The following TRPV4 variants were observed in gnomAD, a reference collection of about 807,000 sequenced individuals.
TRPV4 encodes transient receptor potential cation channel subfamily V member 4, also known as OSM9-like transient receptor potential channel 4.
In TRPV4, 58 loss-of-function variants were observed where a neutral mutation model predicts 84.1. The observed-to-expected ratio is 0.69, with a 90% CI of 0.56 to 0.86. The LOEUF (loss-of-function observed/expected upper bound fraction) is 0.86, where lower values mean the gene tolerates loss of function less well. Ranked by LOEUF, TRPV4 falls within the 40% of genes least tolerant of loss-of-function variation. TRPV4 has a pLI of 0.00. For synonymous variants in TRPV4, 489 were observed against 500.9 expected (o/e 0.98, Z 0.32); for missense variants, 879 against 1,181.1 (o/e 0.74, Z 3.75).
In TRPV4 at chr12:109,800,715, G is replaced by A. The variant is rs1890724745; in HGVS notation, c.756C>T (p.His252=). ...CCTGGGCCACGAGAAGTTCCACGTA[G>A]TGTTTGCAGCGACGCTCAATGGCGA... ...LHIAIERRCK[H]YVELLVAQGA... is the part of the protein sequence containing the mutation. Residue 252 remains histidine (H), a synonymous_variant, in exon 5 of 16, where the codon CAC becomes CAT. Transcript: ENST00000261740. 6 of 1,614,162 alleles carry A rather than the reference G, an allele frequency of 3.7e-6. No individual in the cohort carries two copies. The highest frequency in any genetic ancestry group is 5.1e-6 in the Non-Finnish European group (6 of 1,180,042).
intron 1 of TRPV4, among the ~76,000 whole-genome samples, chr12:109,825,445 A>G (rs1445615612): frequency 6.6e-6 from 1 of 152,122 alleles, no homozygotes; most frequent in East Asian, 1.9e-4. Flanking sequence ...AGGATGTTCA[A>G]TGGCTGCTTT....
intron 1 of TRPV4, among the ~76,000 whole-genome samples, chr12:109,826,398 T>A (rs935402179): frequency 6.6e-6 from 1 of 152,198 alleles, no homozygotes; most frequent in African/African-American, 2.4e-5. Context: ...ATGTATAAAG[T>A]CAGTCCCGGG....
intron 6 of TRPV4, among the ~76,000 whole-genome samples, chr12:109,797,236 TCTC>T (rs1890460095): frequency 6.7e-6 from 1 of 150,318 alleles, no homozygotes; most frequent in African/African-American, 2.5e-5. Context: ...ACTGCAACCC[TCTC>T]CTCCTAGGTT....
chr12:109,815,762 A>T lies in TRPV4; in HGVS notation c.-31-935T>A, dbSNP rs1427804130. On this transcript the variant is annotated intron_variant, in intron 1 of 15. Coordinates refer to ENST00000261740, the MANE Select transcript of TRPV4 (RefSeq NM_021625.5). This position sits in a 1 kb window ranked among gnomAD's most constrained non-coding sequence, Gnocchi z 4.1. ...CTGTCTTGTCCATCCCTGAGTCCTC[A>T]CACAAATGAAAAACTTTATGACAAA... 6.6e-6 allele frequency among the ~76,000 whole-genome samples: 1 copy of T among 152,258 alleles called. No homozygotes were observed. The highest frequency in any genetic ancestry group is 1.5e-5 in the Non-Finnish European group (1 of 68,052).
chr12:109,823,697 G>A (rs960137790), intron 1 of TRPV4, among the ~76,000 whole-genome samples: 5 of 152,038 alleles, frequency 3.3e-5, no homozygotes, highest in African/African-American at 1.2e-4. Context: ...CTTTTTTGGG[G>A]TGATGAAAAT....
rs1463500359 is a variant in TRPV4 at position 109,788,416 on chromosome 12, T to C, written c.2192A>G (p.His731Arg). 1 of 1,613,968 alleles carries C rather than the reference T, an allele frequency of 6.2e-7. No individual in the cohort carries two copies. The highest frequency in any genetic ancestry group is 8.5e-7 in the Non-Finnish European group (1 of 1,179,964). ...GGGCCTCACCTGCAGCTTCCAGATGTGCTTGCTCTCCTTGGAGACCTGGCC... is the reference window on the plus strand; with the variant it reads ...GGGCCTCACCTGCAGCTTCCAGATGCGCTTGCTCTCCTTGGAGACCTGGCC... ...TVGQVSKESKHIWKLQWATTI... is the reference protein window; with the variant it reads ...TVGQVSKESKRIWKLQWATTI... The change falls in exon 13 of 16, where the codon CAC becomes CGC. Residue 731 changes from histidine (H) to arginine (R), a missense_variant. Coordinates refer to ENST00000261740, the MANE Select transcript of TRPV4 (RefSeq NM_021625.5).
intron 3 of TRPV4, among the ~76,000 whole-genome samples, chr12:109,805,433 T>C (rs1397591714): frequency 6.6e-6 from 1 of 152,082 alleles, no homozygotes; most frequent in Non-Finnish European, 1.5e-5. Flanking sequence ...AGAGATGAGG[T>C]GGAACATGCA....
intron 15 of TRPV4, 61 bp downstream of exon 15, chr12:109,784,255 C>G: frequency 8.7e-6 from 14 of 1,612,960 alleles, no homozygotes; most frequent in Non-Finnish European, 1.2e-5. Flanking sequence ...CAGGACTGCT[C>G]AAAGCAAATT....
In TRPV4 at chr12:109,783,571, G is replaced by A. The variant is rs760481070; in HGVS notation, c.*50C>T. ...ACCCCAGAAGGCACTGCTGAAATGC[G>A]GCTGGACTAGAAATGAGTGGGCAGA... is the stretch of plus-strand genomic sequence containing the variant. On this transcript the variant is annotated 3_prime_UTR_variant, in exon 16 of 16. Coordinates refer to ENST00000261740, the MANE Select transcript of TRPV4 (RefSeq NM_021625.5). The surrounding 1 kb of genome is among the most constrained non-coding windows in gnomAD (Gnocchi z 4.6). 16 of 1,592,254 alleles carry A rather than the reference G, an allele frequency of 1.0e-5. No homozygotes were observed. Among genetic ancestry groups the A allele is most frequent in the Admixed American group, 5.1e-5 (3 of 58,924 alleles).
At chr12:109,806,016 A>G (rs1416815717) in intron 3 of TRPV4, among the ~76,000 whole-genome samples, 1 of 152,194 alleles carries the variant, frequency 6.6e-6, no homozygotes, top group Non-Finnish European at 1.5e-5. Flanking sequence ...AGGAGAGGCC[A>G]TTTGGCCAGG....
In TRPV4 at chr12:109,796,652, A is replaced by G. The variant is rs1890419368; in HGVS notation, c.1205T>C (p.Leu402Pro). ...GGCCCAGTCCTTGAACTTGCGGGAC[A>G]GGTGCCGTGTGTCCTCATCCGTCAC... ...REVTDEDTRHLSRKFKDWAYG... is the reference protein window; with the variant it reads ...REVTDEDTRHPSRKFKDWAYG... Residue 402 changes from leucine to proline, a missense_variant, in exon 7 of 16, where the codon CTG becomes CCG. Around this residue, in one of 4 missense-constraint regions of TRPV4, gnomAD observed 521 missense variants for 686.6 expected, o/e 0.76. Transcript: ENST00000261740. The surrounding 1 kb of genome is among the most constrained non-coding windows in gnomAD (Gnocchi z 4.2). The G allele has an allele frequency of 6.2e-7, 1 of 1,614,182 alleles. No individual in the cohort carries two copies. Among genetic ancestry groups the G allele is most frequent in the Non-Finnish European group, 8.5e-7 (1 of 1,180,012 alleles).
intron 8 of TRPV4, 27 bp from the exon 9 acceptor site, chr12:109,794,049 C>A (rs370900472): frequency 3.1e-5 from 48 of 1,566,814 alleles, no homozygotes; most frequent in Non-Finnish European, 3.9e-5. Flanking sequence ...GCACACAGGT[C>A]GTCACCCAGC....
In TRPV4 at chr12:109,832,962, T is replaced by G. The variant is rs140917705; in HGVS notation, c.-32+388A>C. On this transcript the variant is annotated intron_variant, in intron 1 of 15. Transcript: ENST00000261740. ...TCCAGACTCCAAATTCCCTCCGACA[T>G]GCTCAGGGGCCAAGGGCAAACCTTA... 6.7e-3 allele frequency among the ~76,000 whole-genome samples: 1,013 copies of G among 152,184 alleles called. 1 individual carries two copies. Among genetic ancestry groups the G allele is most frequent in the Non-Finnish European group, 9.0e-3 (609 of 67,986 alleles).
At chr12:109,820,617 G>A (rs995425666) in intron 1 of TRPV4, among the ~76,000 whole-genome samples, 3 of 148,458 alleles carry the variant, frequency 2.0e-5, no homozygotes, top group African/African-American at 7.4e-5. Flanking sequence ...CCGCCTCCCG[G>A]GTTCACGCCA....
chr12:109,793,872 G>C lies in TRPV4; in HGVS notation c.1584+58C>G. The C allele has an allele frequency of 1.6e-6, 2 of 1,246,048 alleles. No individual in the cohort carries two copies. Among genetic ancestry groups the C allele is most frequent in the Non-Finnish European group, 2.3e-6 (2 of 859,658 alleles). The allele number at this position is 1,246,048 out of a possible 1,614,324, so 77.2% of individuals were successfully genotyped here. A position where few individuals can be genotyped will look rare whatever the true frequency, so the allele number is the denominator to read the frequency against. ...AGAGAAAAAGAGGGAGAGAAAAGAG[G>C]TGCAGGAAGAGAAGAGGAGGGCAGG... On this transcript the variant is annotated intron_variant, in intron 9 of 15. Transcript: ENST00000261740. This position sits in a 1 kb window ranked among gnomAD's most constrained non-coding sequence, Gnocchi z 4.0.
rs1592864601 is a variant in TRPV4 at position 109,814,985 on chromosome 12, C to T, written c.-31-158G>A. On this transcript the variant is annotated intron_variant, in intron 1 of 15. Transcript: ENST00000261740. This position sits in a 1 kb window ranked among gnomAD's most constrained non-coding sequence, Gnocchi z 5.4. ...GGAGGCCACTCCCAGATGTGGTTGG[C>T]CGCCAGCCTCAGGCGGGAACTGCAA... 4.4e-6 allele frequency: 3 copies of T among 688,954 alleles called. No individual in the cohort carries two copies. The highest frequency in any genetic ancestry group is 3.6e-5 in the African/African-American group (2 of 55,394). The allele number at this position is 688,954 out of a possible 1,614,324, so 42.7% of individuals were successfully genotyped here.
chr12:109,783,261 G>A lies in TRPV4; in HGVS notation c.*360C>T. On this transcript the variant is annotated 3_prime_UTR_variant, in exon 16 of 16. Coordinates refer to ENST00000261740, the MANE Select transcript of TRPV4 (RefSeq NM_021625.5). This position sits in a 1 kb window ranked among gnomAD's most constrained non-coding sequence, Gnocchi z 4.6. ...GCTGAGGCTGGGGCTTGGCCGGGCA[G>A]TGCACTTGGAACGGGGTCCTAAGGC... 4.0e-6 allele frequency: 1 copy of A among 246,934 alleles called. No individual in the cohort carries two copies. 15.3% of individuals were successfully genotyped at this position (246,934 alleles called of 1,614,324 possible). A position where few individuals can be genotyped will look rare whatever the true frequency, so the allele number is the denominator to read the frequency against.
At position 109,794,562 on chromosome 12, in the gene TRPV4, C is replaced by T. The variant is rs894438599; in HGVS notation, c.1333-75G>A. 9 of 1,487,080 alleles carry T rather than the reference C, an allele frequency of 6.1e-6. No homozygotes were observed. In the Admixed American group the frequency reaches 1.2e-4, roughly 19 times the overall value. 92.1% of individuals were successfully genotyped at this position (1,487,080 alleles called of 1,614,324 possible). A position where few individuals can be genotyped will look rare whatever the true frequency, so the allele number is the denominator to read the frequency against. Reference sequence around the variant, plus strand: ...GTCCAGGCAGGCTGCCTCGGGTGTGCCTTCCCCCACCCTCCACCCGGACAG... The same window carrying T: ...GTCCAGGCAGGCTGCCTCGGGTGTGTCTTCCCCCACCCTCCACCCGGACAG... On this transcript the variant is annotated intron_variant, in intron 7 of 15. Transcript: ENST00000261740.
In TRPV4 at chr12:109,792,444, G is replaced by A. The variant is rs200602134; in HGVS notation, c.1825-15C>T. ...TTGAAGAGAATCTAAAGACCCCAGC[G>A]GGATTATGGAGGCAAAGAGGAGACA... is the stretch of plus-strand genomic sequence containing the variant. On this transcript the variant is annotated splice_polypyrimidine_tract_variant and intron_variant, in intron 11 of 15. Coordinates refer to ENST00000261740, the MANE Select transcript of TRPV4 (RefSeq NM_021625.5). 871 of 1,613,520 alleles carry A rather than the reference G, an allele frequency of 5.4e-4. 1 individual carries two copies. Among genetic ancestry groups the A allele is most frequent in the Non-Finnish European group, 6.6e-4 (783 of 1,179,658 alleles).
Sources: allele counts gnomAD v4.1 joint callset (sites outside exome capture counted in the v4.1 genomes callset), GRCh38; gene constraint gnomAD v4.1.1; regional missense constraint gnomAD v4.1.1; non-coding constraint Gnocchi (gnomAD v3.1); transcripts MANE v1.5; gene names NCBI Gene and HGNC (gene_info 2026-07-23, HGNC 2026-07-21).